ARPP21: variants seen among roughly 807,000 people sequenced by gnomAD.
ARPP21 encodes the protein cAMP-regulated phosphoprotein 21.
A neutral mutation model predicts 113.2 loss-of-function variants in ARPP21; 69 were observed. The ratio of observed to expected loss-of-function variants is 0.61; its 90% CI spans 0.50 to 0.74. The LOEUF (loss-of-function observed/expected upper bound fraction) is 0.74. ARPP21 is among the 30% of genes least tolerant of loss of function. The probability of loss-of-function intolerance (pLI) is 0.00; values close to 1 mark genes in which losing one functional copy is unlikely to be tolerated. For synonymous variants in ARPP21, 368 were observed against 375.5 expected (o/e 0.98, Z 0.23); for missense variants, 1,070 against 1,037.4 (o/e 1.03, Z -0.43).
At chr3:35,702,051 T>C (rs2086616585) in intron 9 of ARPP21, among the ~76,000 whole-genome samples, 1 of 151,752 alleles carries the variant, frequency 6.6e-6, no homozygotes, top group East Asian at 1.9e-4. Flanking sequence ...TAATTTGCAT[T>C]ATTTTGTTGT....
At chr3:35,703,722 C>A (rs958916129) in intron 9 of ARPP21, among the ~76,000 whole-genome samples, 3 of 151,528 alleles carry the variant, frequency 2.0e-5, no homozygotes, top group African/African-American at 7.3e-5. Context: ...TTAATAAATA[C>A]CACCACCTTT....
intron 1 of ARPP21, among the ~76,000 whole-genome samples, chr3:35,670,592 G>A (rs1177395667): frequency 6.6e-6 from 1 of 151,998 alleles, no homozygotes; most frequent in Non-Finnish European, 1.5e-5. Flanking sequence ...TATTTTCAAA[G>A]CAGGGCATCT....
intron 9 of ARPP21, among the ~76,000 whole-genome samples, chr3:35,698,132 C>T (rs777023585): frequency 7.9e-5 from 12 of 151,634 alleles, no homozygotes; most frequent in Non-Finnish European, 1.3e-4. Context: ...ATTTACTGAG[C>T]AAGACACTTC....
At chr3:35,763,458 T>C (rs553126422) in intron 19 of ARPP21, among the ~76,000 whole-genome samples, 6 of 152,252 alleles carry the variant, frequency 3.9e-5, no homozygotes, top group East Asian at 1.9e-4. Flanking sequence ...CTGTCTCTCA[T>C]TGATGTGCCT....
At chr3:35,734,094 C>T (rs1193503021) in intron 15 of ARPP21, among the ~76,000 whole-genome samples, 2 of 152,026 alleles carry the variant, frequency 1.3e-5, no homozygotes, top group African/African-American at 4.8e-5. Flanking sequence ...TGTGTATGTG[C>T]GTATGTGTGT....
chr3:35,766,059 C>T (rs544480663), intron 19 of ARPP21, among the ~76,000 whole-genome samples: 3 of 152,218 alleles, frequency 2.0e-5, no homozygotes, highest in African/African-American at 7.2e-5. Context: ...GAAAACTATT[C>T]TAAGTACCCC....
intron 19 of ARPP21, among the ~76,000 whole-genome samples, chr3:35,778,696 A>G (rs547500697): frequency 6.6e-6 from 1 of 152,274 alleles, no homozygotes; most frequent in South Asian, 2.1e-4. Flanking sequence ...GGGAAAAGTC[A>G]CTAAAATACC....
At chr3:35,697,416 G>T (rs908692844) in intron 9 of ARPP21, among the ~76,000 whole-genome samples, 1 of 151,638 alleles carries the variant, frequency 6.6e-6, no homozygotes, top group Non-Finnish European at 1.5e-5. Context: ...GATGAATGGT[G>T]TGTAGTGACT....
chr3:35,739,595 T>C lies in ARPP21; in HGVS notation c.2010+18T>C, dbSNP rs746916760. 6.3e-7 allele frequency: 1 copy of C among 1,596,754 alleles called. No homozygotes were observed. Among genetic ancestry groups the C allele is most frequent in the Non-Finnish European group, 8.5e-7 (1 of 1,170,246 alleles). On this transcript the variant is annotated intron_variant, in intron 18 of 20. Transcript: ENST00000684406. Reference sequence around the variant, plus strand: ...CTGCACAGGTAGGTGTGCTTCCTCATGCCTGTGACCTACAGCTGATTTCTG... The same window carrying C: ...CTGCACAGGTAGGTGTGCTTCCTCACGCCTGTGACCTACAGCTGATTTCTG...
chr3:35,642,612 C>A (rs141624213), intron 1 of ARPP21, among the ~76,000 whole-genome samples: 5 of 152,216 alleles, frequency 3.3e-5, no homozygotes, highest in East Asian at 1.9e-4. Flanking sequence ...TTCCTGCATG[C>A]AGACTATTTT....
At chr3:35,759,646 T>C (rs944691572) in intron 19 of ARPP21, among the ~76,000 whole-genome samples, 1 of 151,354 alleles carries the variant, frequency 6.6e-6, no homozygotes, top group Non-Finnish European at 1.5e-5. Context: ...CATTTTTTTA[T>C]TTTCATTTTT....
At chr3:35,662,507 G>T (rs1031067294) in intron 1 of ARPP21, among the ~76,000 whole-genome samples, 3 of 152,170 alleles carry the variant, frequency 2.0e-5, no homozygotes, top group Non-Finnish European at 4.4e-5. Context: ...GAGGGACAGG[G>T]AGGGGAGCAG....
intron 19 of ARPP21, among the ~76,000 whole-genome samples, chr3:35,767,916 C>T (rs2096044026): frequency 6.6e-6 from 1 of 152,096 alleles, no homozygotes; most frequent in Non-Finnish European, 1.5e-5. Context: ...CATGGGAACT[C>T]TGCCATCATC....
intron 11 of ARPP21, among the ~76,000 whole-genome samples, chr3:35,712,561 T>TGAGA (rs1553690287): frequency 7.0e-6 from 1 of 143,560 alleles, no homozygotes; most frequent in East Asian, 2.0e-4. Flanking sequence ...TGTGTGTGTG[T>TGAGA]GAAAGAGAGA....
intron 19 of ARPP21, among the ~76,000 whole-genome samples, chr3:35,754,952 A>G (rs1459619982): frequency 6.6e-6 from 1 of 152,026 alleles, no homozygotes; most frequent in Non-Finnish European, 1.5e-5. Context: ...AAGAAAAAGG[A>G]GATTTGGATT....
At position 35,739,428 on chromosome 3, in the gene ARPP21, C is replaced by G. The variant is rs2094533035; in HGVS notation, c.1861C>G (p.Pro621Ala). 6.2e-7 allele frequency: 1 copy of G among 1,614,170 alleles called. No individual in the cohort carries two copies. Among genetic ancestry groups the G allele is most frequent in the African/African-American group, 1.3e-5 (1 of 75,032 alleles). Residue 621 changes from proline (P) to alanine (A), a missense_variant, in exon 18 of 21, where the codon CCG (proline) becomes GCG (alanine). Coordinates refer to ENST00000684406, the MANE Select transcript of ARPP21 (RefSeq NM_001385562.1). Reference sequence around the variant, plus strand: ...CTACCCATCCTCCCTTATGCCACAGCCGGCCCAGCAGCCCAGCTATGTAAT... The same window carrying G: ...CTACCCATCCTCCCTTATGCCACAGGCGGCCCAGCAGCCCAGCTATGTAAT... ...PVYPSSLMPQPAQQPSYVIAS... is the reference protein window; with the variant it reads ...PVYPSSLMPQAAQQPSYVIAS...
At chr3:35,651,805 T>A (rs1702500500) in intron 1 of ARPP21, 1 of 152,088 alleles carries the variant, frequency 6.6e-6, no homozygotes, top group Non-Finnish European at 1.5e-5. Context: ...CCTCACATAA[T>A]TAAAGCATCC....
intron 1 of ARPP21, among the ~76,000 whole-genome samples, chr3:35,652,623 C>A (rs529532228): frequency 9.9e-5 from 15 of 152,102 alleles, no homozygotes; most frequent in Non-Finnish European, 1.9e-4. Context: ...CAGAAGCAGA[C>A]CTACAAACTT....
intron 9 of ARPP21, among the ~76,000 whole-genome samples, chr3:35,691,516 T>G (rs2082238711): frequency 6.6e-6 from 1 of 151,598 alleles, no homozygotes; most frequent in South Asian, 2.1e-4. Flanking sequence ...TTGGAGCAAG[T>G]CATTTAAAAT....
Sources: allele counts gnomAD v4.1 joint callset (sites outside exome capture counted in the v4.1 genomes callset), GRCh38; gene constraint gnomAD v4.1.1; transcripts MANE v1.5; gene names NCBI Gene and HGNC (gene_info 2026-07-23, HGNC 2026-07-21).